Variants in PIEZO2 observed in about 807,000 individuals in gnomAD.
PIEZO2 encodes the protein piezo type mechanosensitive ion channel component 2, also known as piezo-type mechanosensitive ion channel component 2.
A neutral mutation model predicts 337.3 loss-of-function variants in PIEZO2; 172 were observed. The ratio of observed to expected loss-of-function variants is 0.51; its 90% CI spans 0.45 to 0.58. PIEZO2 has a LOEUF of 0.58. PIEZO2 is among the 20% of genes least tolerant of loss of function. The pLI is 0.00. For synonymous variants in PIEZO2, 1,251 were observed against 1,228.5 expected, an observed-to-expected ratio of 1.02 and a Z score of -0.38; for missense variants, 3,028 against 3,391.3, an observed-to-expected ratio of 0.89 and a Z score of 2.66.
At chr18:10,860,304 T>C (rs1367977864) in intron 5 of PIEZO2, among the ~76,000 whole-genome samples, 2 of 152,198 alleles carry the variant, frequency 1.3e-5, no homozygotes, top group African/African-American at 4.8e-5. Context: ...TCCAGATCTA[T>C]GCCATCTCCT....
chr18:11,140,312 T>G (rs1243164963), intron 1 of PIEZO2, among the ~76,000 whole-genome samples: 3 of 152,174 alleles, frequency 2.0e-5, no homozygotes, highest in African/African-American at 7.2e-5. Context: ...CATACCAAGG[T>G]AGCTCTGGCA....
In PIEZO2 at chr18:11,148,621, G is replaced by A. The variant is rs1055416861; in HGVS notation, c.-33C>T. 24 of 1,535,732 alleles carry A rather than the reference G, an allele frequency of 1.6e-5. No homozygotes were observed. The Middle Eastern group carries it at 6.7e-4, about 43-fold the overall frequency. On this transcript the variant is annotated 5_prime_UTR_variant, in exon 1 of 56. Coordinates refer to ENST00000674853, the MANE Select transcript of PIEZO2 (RefSeq NM_001378183.1). The surrounding 1 kb of genome is among the most constrained non-coding windows in gnomAD (Gnocchi z 5.2). ...GTCCGGCGAGTCGGAGCAGAGGGGC[G>A]AGGCTCGAGGGTCCCTAGGGGTGGT...
At position 10,846,348 on chromosome 18, in the gene PIEZO2, G is replaced by T. The variant is rs1052928395; in HGVS notation, c.917+9005C>A. ...ACTATCACCAGAACAACACAGGAAA[G>T]ACCTGCCCCCATAATTCAATCACCT... is the stretch of plus-strand genomic sequence containing the variant. On this transcript the variant is annotated intron_variant, in intron 7 of 55. Transcript: ENST00000674853. This position sits in a 1 kb window ranked among gnomAD's most constrained non-coding sequence, Gnocchi z 4.1. Among the ~76,000 whole-genome samples the T allele has an allele frequency of 5.9e-5, 9 of 152,308 alleles. No individual in the cohort carries two copies. The East Asian group carries it at 1.3e-3, about 23-fold the overall frequency.
chr18:11,004,852 C>T (rs1598814065), intron 2 of PIEZO2, among the ~76,000 whole-genome samples: 3 of 152,192 alleles, frequency 2.0e-5, no homozygotes, highest in Admixed American at 1.3e-4. Flanking sequence ...TTGATTTGTG[C>T]GTTTCCTACT....
rs750182837 is a variant in PIEZO2 at position 10,807,134 on chromosome 18, C to T, written c.1058G>A (p.Arg353His). ...TACAAGGGGCTCTTGCAGCCAGATG[C>T]GGATCAGAGTGGCCAGAGTGTAGTA... is the stretch of plus-strand genomic sequence containing the variant. The part of the protein sequence containing the change: ...VMYYTLATLI[R>H]IWLQEPLVQD... The change falls in exon 8 of 56, where the codon CGC (arginine) becomes CAC (histidine). Residue 353 changes from arginine (R) to histidine (H), a missense_variant. Physicochemically the swap from Arg to His is conservative, Grantham distance 29. Around this residue, in one of 5 missense-constraint regions of PIEZO2, gnomAD observed 542 missense variants for 605.6 expected, o/e 0.89. Coordinates refer to ENST00000674853, the MANE Select transcript of PIEZO2 (RefSeq NM_001378183.1). 8 of 1,536,326 alleles carry T rather than the reference C, an allele frequency of 5.2e-6. No homozygotes were observed. The highest frequency in any genetic ancestry group is 2.4e-5 in the South Asian group (2 of 83,978).
chr18:10,960,902 G>A (rs868865117), intron 3 of PIEZO2, among the ~76,000 whole-genome samples: 9 of 152,132 alleles, frequency 5.9e-5, no homozygotes, highest in Non-Finnish European at 8.8e-5. Flanking sequence ...GGTATGGCCC[G>A]GGGTGGTGGC....
At position 10,784,218 on chromosome 18, in the gene PIEZO2, T is replaced by C. The variant is rs149375380; in HGVS notation, c.2492+566A>G. Among the ~76,000 whole-genome samples, 1,517 of 152,300 alleles carry C rather than the reference T, an allele frequency of 1.0e-2. 31 individuals are homozygous for C. The highest frequency in any genetic ancestry group is 0.035 in the African/African-American group (1,452 of 41,560). Reference sequence around the variant, plus strand: ...TATCCCATCTGTTATTTGCAAACAATGTATATTTATTGATGAGGATAAAAC... The same window carrying C: ...TATCCCATCTGTTATTTGCAAACAACGTATATTTATTGATGAGGATAAAAC... On this transcript the variant is annotated intron_variant, in intron 17 of 55. Transcript: ENST00000674853. The surrounding 1 kb of genome is among the most constrained non-coding windows in gnomAD (Gnocchi z 4.5).
chr18:11,018,652 T>C (rs1444982492), intron 2 of PIEZO2, among the ~76,000 whole-genome samples: 1 of 152,096 alleles, frequency 6.6e-6, no homozygotes, highest in Admixed American at 6.5e-5. Context: ...AATAAAGATA[T>C]TTCTATTTTG....
chr18:10,970,434 C>T (rs1353900169), intron 3 of PIEZO2, among the ~76,000 whole-genome samples: 7 of 152,206 alleles, frequency 4.6e-5, no homozygotes, highest in Non-Finnish European at 8.8e-5. Context: ...CGGCACCCTC[C>T]ATGGGTGACC....
chr18:11,060,171 G>T (rs548844249), intron 2 of PIEZO2, among the ~76,000 whole-genome samples: 24 of 152,272 alleles, frequency 1.6e-4, no homozygotes, highest in South Asian at 2.1e-4. Flanking sequence ...GGTACATAAT[G>T]AAATGAGGGC....
rs1024433219 is a variant in PIEZO2, at chr18:11,109,902, A to G, written c.64+38623T>C. Among the ~76,000 whole-genome samples, 1 of 152,236 alleles carries G rather than the reference A, an allele frequency of 6.6e-6. No homozygotes were observed. Among genetic ancestry groups the G allele is most frequent in the African/African-American group, 2.4e-5 (1 of 41,462 alleles). The stretch of plus-strand genomic sequence containing the variant: ...AGATTTGACTTTATTATAGTCATCT[A>G]AAGTGGAACGGAAGAATTTATTTTT... On this transcript the variant is annotated intron_variant, in intron 1 of 55. Coordinates refer to ENST00000674853, the MANE Select transcript of PIEZO2 (RefSeq NM_001378183.1). This position sits in a 1 kb window ranked among gnomAD's most constrained non-coding sequence, Gnocchi z 5.1.
intron 2 of PIEZO2, among the ~76,000 whole-genome samples, chr18:11,044,234 C>G (rs2037225329): frequency 6.6e-6 from 1 of 150,466 alleles, no homozygotes; most frequent in Non-Finnish European, 1.5e-5. Context: ...AATACTACCT[C>G]AGGAAATTGT....
intron 27 of PIEZO2, among the ~76,000 whole-genome samples, chr18:10,757,732 AGAG>A (rs945261388): frequency 6.6e-6 from 1 of 151,948 alleles, no homozygotes; most frequent in African/African-American, 2.4e-5. Context: ...GGTATGAAGA[AGAG>A]GAGGAGAACT....
Position 10,773,644 on chromosome 18 carries a change from C to T in PIEZO2, c.2568-15G>A. On this transcript the variant is annotated splice_polypyrimidine_tract_variant and intron_variant, in intron 19 of 55. Transcript: ENST00000674853. The surrounding 1 kb of genome is among the most constrained non-coding windows in gnomAD (Gnocchi z 5.3). ...GGTGGGCCAGTCTGTTGGCAGAGAGCAGCTGAGTCAGAAGAGGAAAGGGTG... is the reference window on the plus strand; with the variant it reads ...GGTGGGCCAGTCTGTTGGCAGAGAGTAGCTGAGTCAGAAGAGGAAAGGGTG... The T allele has an allele frequency of 6.5e-7, 1 of 1,536,164 alleles. No homozygotes were observed. The highest frequency in any genetic ancestry group is 1.2e-5 in the South Asian group (1 of 84,032).
chr18:10,956,980 A>AC (rs2033559761), intron 3 of PIEZO2, among the ~76,000 whole-genome samples: 1 of 125,308 alleles, frequency 8.0e-6, no homozygotes, highest in African/African-American at 2.9e-5. Flanking sequence ...AAAAAAAAAA[A>AC]AAAAAAGAAA....
In PIEZO2 at chr18:10,977,771, T is replaced by C. The variant is rs147694126; in HGVS notation, c.286+1764A>G. On this transcript the variant is annotated intron_variant, in intron 3 of 55. Transcript: ENST00000674853. ...TAAAGTATTGATACATGCTACAACATTGACAAATCTTGAAAACTTTATGCT... is the reference window on the plus strand; with the variant it reads ...TAAAGTATTGATACATGCTACAACACTGACAAATCTTGAAAACTTTATGCT... Among the ~76,000 whole-genome samples, 319 of 152,326 alleles carry C rather than the reference T, an allele frequency of 2.1e-3. 3 individuals carry two copies. The highest frequency in any genetic ancestry group is 9.6e-4 in the Non-Finnish European group (65 of 68,030).
chr18:10,831,528 TGG>T (rs1359762703), intron 7 of PIEZO2, among the ~76,000 whole-genome samples: 2 of 152,216 alleles, frequency 1.3e-5, no homozygotes, highest in Non-Finnish European at 2.9e-5. Context: ...GAGGCTAGGA[TGG>T]GTAGTGGGGT....
In PIEZO2 at chr18:10,759,676, T is replaced by C. The variant is rs143871883; in HGVS notation, c.3655+29A>G. The C allele has an allele frequency of 6.2e-5, 95 of 1,536,726 alleles. No homozygotes were observed. The African/African-American group carries it at 1.1e-3, about 18-fold the overall frequency. ...GCTCAGTAATGGCTTCTTCTAAAAG[T>C]AGACGGCTCAAGGGAAGGGCAGGCT... On this transcript the variant is annotated intron_variant, in intron 25 of 55. Transcript: ENST00000674853. This position sits in a 1 kb window ranked among gnomAD's most constrained non-coding sequence, Gnocchi z 5.5.
Position 11,110,971 on chromosome 18 carries a change from T to G in PIEZO2, c.64+37554A>C, listed in dbSNP as rs760717597. Among the ~76,000 whole-genome samples the G allele has an allele frequency of 3.3e-5, 5 of 152,198 alleles. No individual in the cohort carries two copies. Among genetic ancestry groups the G allele is most frequent in the Non-Finnish European group, 7.3e-5 (5 of 68,032 alleles). ...ATGTGGTCTGCGTCAGAGTCCACCA[T>G]GAGAGCCACTGCAGGGCTTCGGAAC... On this transcript the variant is annotated intron_variant, in intron 1 of 55. Transcript: ENST00000674853. The surrounding 1 kb of genome is among the most constrained non-coding windows in gnomAD (Gnocchi z 4.2).
Sources: allele counts gnomAD v4.1 joint callset (sites outside exome capture counted in the v4.1 genomes callset), GRCh38; gene constraint gnomAD v4.1.1; regional missense constraint gnomAD v4.1.1; non-coding constraint Gnocchi (gnomAD v3.1); transcripts MANE v1.5; gene names NCBI Gene and HGNC (gene_info 2026-07-23, HGNC 2026-07-21).